LYZL2: variants seen among roughly 807,000 people sequenced by gnomAD.
The protein encoded by LYZL2 is lysozyme like 2.
Under a neutral mutation model 17.1 loss-of-function variants are expected in LYZL2, and 13 were observed. The ratio of observed to expected loss-of-function variants is 0.76; its 90% CI spans 0.49 to 1.21. LYZL2 has a LOEUF of 1.21. LYZL2 is among the 50% of genes most tolerant of loss of function. The pLI is 0.00. For synonymous variants in LYZL2, 63 were observed against 74.4 expected (o/e 0.85, Z 0.79); for missense variants, 166 against 189.2 (o/e 0.88, Z 0.72).
chr10:30,608,258 T>A (rs948351170), downstream of LYZL2, among the ~76,000 whole-genome samples: 1 of 152,218 alleles, frequency 6.6e-6, no homozygotes, highest in Non-Finnish European at 1.5e-5. Context: ...ACCTTTTAAA[T>A]CAAAAAATGT....
At chr10:30,615,315 T>C (rs12241721) in intron 3 of LYZL2, among the ~76,000 whole-genome samples, 17,257 of 152,206 alleles carry the variant, frequency 0.11, 1,047 homozygotes, top group South Asian at 0.18. Context: ...ATTTCACGCA[T>C]ATGCAAAATC....
At chr10:30,624,473 G>A (rs992990820) in intron 3 of LYZL2, among the ~76,000 whole-genome samples, 4 of 152,164 alleles carry the variant, frequency 2.6e-5, no homozygotes, top group African/African-American at 9.7e-5. Context: ...TTGGGCAAGG[G>A]ATTCTTAATC....
intron 1 of LYZL2, among the ~76,000 whole-genome samples, chr10:30,628,554 C>T (rs577268372): frequency 2.6e-5 from 4 of 152,242 alleles, no homozygotes; most frequent in African/African-American, 9.6e-5. Flanking sequence ...CCAAACACAA[C>T]AGCCTTGCTG....
chr10:30,613,532 G>C (rs1838480820), intron 3 of LYZL2, among the ~76,000 whole-genome samples: 1 of 150,454 alleles, frequency 6.6e-6, no homozygotes, highest in African/African-American at 2.4e-5. Context: ...AGACAGGATA[G>C]TATAGTGTTT....
downstream of LYZL2, among the ~76,000 whole-genome samples, chr10:30,611,207 G>T (rs943185876): frequency 6.6e-6 from 1 of 152,074 alleles, no homozygotes; most frequent in Non-Finnish European, 1.5e-5. Flanking sequence ...GTCTTAACAC[G>T]ATGCCATTAA....
At chr10:30,621,378 G>C (rs2132945421) in intron 3 of LYZL2, among the ~76,000 whole-genome samples, 1 of 152,064 alleles carries the variant, frequency 6.6e-6, no homozygotes, top group East Asian at 1.9e-4. Context: ...CCAGGAGTTT[G>C]AGACCAGCGT....
downstream of LYZL2, among the ~76,000 whole-genome samples, chr10:30,610,070 A>G (rs774830864): frequency 6.6e-5 from 10 of 152,286 alleles, no homozygotes; most frequent in Non-Finnish European, 1.3e-4. Flanking sequence ...AAGAAGAAGA[A>G]TTGTCTTAGG....
chr10:30,624,939 T>C (rs1838680055), intron 3 of LYZL2, among the ~76,000 whole-genome samples: 1 of 152,146 alleles, frequency 6.6e-6, no homozygotes, highest in South Asian at 2.1e-4. Flanking sequence ...TATTGCTGGC[T>C]GTGAAGATGG....
In LYZL2 at chr10:30,626,133, C is replaced by T. The variant is rs1284677138; in HGVS notation, c.270G>A (p.Glu90=). The T allele has an allele frequency of 8.1e-6, 13 of 1,614,198 alleles. No individual in the cohort carries two copies. Among genetic ancestry groups the T allele is most frequent in the Non-Finnish European group, 1.1e-5 (13 of 1,180,014 alleles). ...AGCAGGCGACGTGGCAGTGGTTGTT[C>T]TCCTTCAGCTTTCCGCGTCTGCACC... ...FAWCRRGKLK[E]NNHCHVACSA... is the part of the protein sequence containing the mutation. Residue 90 remains glutamate, a synonymous_variant, in exon 3 of 5, where the codon GAG becomes GAA. Coordinates refer to ENST00000647634, the MANE Select transcript of LYZL2 (RefSeq NM_183058.3).
chr10:30,611,702 A>AAAAGAAAGAAAGAAAG (rs374528139), downstream of LYZL2: 1,778 of 391,776 alleles, frequency 4.5e-3, 30 homozygotes, highest in African/African-American at 6.4e-3. Flanking sequence ...GAAAGAAAGA[A>AAAAGAAAGAAAGAAAG]AAAGAAAGAA....
downstream of LYZL2, among the ~76,000 whole-genome samples, chr10:30,610,173 A>G (rs1439382362): frequency 6.6e-6 from 1 of 152,180 alleles, no homozygotes; most frequent in African/African-American, 2.4e-5. Flanking sequence ...AAAGTCTACT[A>G]ATTTGTGTTG....
intron 1 of LYZL2, among the ~76,000 whole-genome samples, chr10:30,627,992 T>C (rs1391555457): frequency 6.6e-6 from 1 of 152,160 alleles, no homozygotes; most frequent in African/African-American, 2.4e-5. Flanking sequence ...ACCCCGTCTC[T>C]ACTAAAAATA....
intron 3 of LYZL2, among the ~76,000 whole-genome samples, chr10:30,624,756 T>C (rs568140046): frequency 6.6e-6 from 1 of 152,306 alleles, no homozygotes; most frequent in Admixed American, 6.5e-5. Flanking sequence ...CCCAGGCTGG[T>C]CTTGAACTCC....
chr10:30,612,046 G>A (rs767353118), intron 4 of LYZL2, 22 bp from the exon 5 acceptor site: 30 of 1,612,612 alleles, frequency 1.9e-5, no homozygotes, highest in Non-Finnish European at 3.4e-6. Flanking sequence ...AGGGAAGCAA[G>A]AGCAGCAGAA....
At chr10:30,624,683 C>A (rs1430382860) in intron 3 of LYZL2, among the ~76,000 whole-genome samples, 2 of 152,176 alleles carry the variant, frequency 1.3e-5, no homozygotes, top group East Asian at 1.9e-4. Flanking sequence ...CAGGCATATG[C>A]CTGGCTATTT....
intron 1 of LYZL2, among the ~76,000 whole-genome samples, chr10:30,629,293 C>G (rs1292042595): frequency 1.3e-5 from 2 of 151,482 alleles, no homozygotes; most frequent in Non-Finnish European, 2.9e-5. Context: ...GTTTGGGAGG[C>G]TGAGGTGGGA....
intron 3 of LYZL2, among the ~76,000 whole-genome samples, chr10:30,618,980 G>GA: frequency 6.6e-6 from 1 of 151,986 alleles, no homozygotes; most frequent in Non-Finnish European, 1.5e-5. Context: ...AAATTTACAA[G>GA]AAAAAAACAA....
chr10:30,621,839 T>C (rs903406009), intron 3 of LYZL2, among the ~76,000 whole-genome samples: 2 of 152,170 alleles, frequency 1.3e-5, no homozygotes, highest in African/African-American at 2.4e-5. Context: ...TTGGAAATAA[T>C]AATGTGTAAT....
chr10:30,621,115 T>C (rs917129052), intron 3 of LYZL2, among the ~76,000 whole-genome samples: 3 of 152,168 alleles, frequency 2.0e-5, no homozygotes, highest in Non-Finnish European at 4.4e-5. Context: ...GAATACCAAG[T>C]AAGATAAACA....
Sources: gnomAD v4.1 joint callset for allele counts (sites outside exome capture counted in the v4.1 genomes callset) on GRCh38, gnomAD v4.1.1 for gene constraint, MANE v1.5 for transcripts, NCBI Gene and HGNC (gene_info 2026-07-23, HGNC 2026-07-21) for gene names.